ZFC3H1: variants seen among roughly 807,000 people sequenced by gnomAD.
The protein encoded by ZFC3H1 is zinc finger C3H1-type containing.
In ZFC3H1, 71 loss-of-function variants were observed where a neutral mutation model predicts 243.7. The observed-to-expected ratio is 0.29, with a 90% CI of 0.24 to 0.36. ZFC3H1 has a LOEUF of 0.36. ZFC3H1 is among the 10% of genes least tolerant of loss of function. ZFC3H1 has a pLI of 1.00. For synonymous variants in ZFC3H1, 838 were observed against 813.0 expected, an observed-to-expected ratio of 1.03 and a Z score of -0.52; for missense variants, 1,966 against 2,317.1, an observed-to-expected ratio of 0.85 and a Z score of 3.11.
At chr12:71,619,492 A>G in intron 26 of ZFC3H1, 83 bp from the exon 27 acceptor site, 1 of 1,312,610 alleles carries the variant, frequency 7.6e-7, no homozygotes, top group Non-Finnish European at 1.1e-6. Flanking sequence ...AAAGCCTTAA[A>G]AAAGTACTCA....
rs1180600065 is a variant in ZFC3H1, at chr12:71,663,632, A to G, written c.-22T>C. 2 of 1,601,022 alleles carry G rather than the reference A, an allele frequency of 1.2e-6. No individual in the cohort carries two copies. The highest frequency in any genetic ancestry group is 4.5e-5 in the East Asian group (2 of 44,842). On this transcript the variant is annotated 5_prime_UTR_variant, in exon 1 of 35. Coordinates refer to ENST00000378743, the MANE Select transcript of ZFC3H1 (RefSeq NM_144982.5). ...CCATCCGGGGAGCAGCGCCTTCCAC[A>G]CAACCTTAGCCCTCCGTCCGGGGAT...
At chr12:71,656,661 A>G (rs1881026343) in intron 2 of ZFC3H1, 7 of 587,222 alleles carry the variant, frequency 1.2e-5, no homozygotes, top group Non-Finnish European at 1.5e-5. Flanking sequence ...TATGTATAAC[A>G]TTCTATTATA....
At chr12:71,632,831 C>A in intron 14 of ZFC3H1, 55 bp downstream of exon 14, 1 of 1,592,676 alleles carries the variant, frequency 6.3e-7, no homozygotes, top group Admixed American at 1.9e-5. Context: ...ACCCTTAAAA[C>A]TATCATAAAA....
Position 71,632,056 on chromosome 12 carries a change from T to C in ZFC3H1, c.3276A>G (p.Gln1092=). ...GGCTGTCAGCTTTTGAATACAATTTTTGCAATTCACCAATTTTTAACCCTA... is the reference window on the plus strand; with the variant it reads ...GGCTGTCAGCTTTTGAATACAATTTCTGCAATTCACCAATTTTTAACCCTA... The part of the protein sequence containing the change: ...LFLGLKIGEL[Q]KLYSKADSLK... Residue 1092 remains glutamine (Q), a synonymous_variant, in exon 15 of 35, where the codon CAA becomes CAG. Transcript: ENST00000378743. The C allele has an allele frequency of 2.5e-6, 4 of 1,610,058 alleles. No individual in the cohort carries two copies. Among genetic ancestry groups the C allele is most frequent in the South Asian group, 1.1e-5 (1 of 90,466 alleles).
In ZFC3H1 at chr12:71,656,947, T is replaced by C. The variant is rs955052667; in HGVS notation, c.953A>G (p.Lys318Arg). The C allele has an allele frequency of 6.2e-7, 1 of 1,613,866 alleles. No homozygotes were observed. The highest frequency in any genetic ancestry group is 8.5e-7 in the Non-Finnish European group (1 of 1,179,884). Residue 318 changes from lysine (K) to arginine (R), a missense_variant, in exon 2 of 35, where the codon AAA becomes AGA. Physicochemically the swap from Lys to Arg is conservative, Grantham distance 26 (BLOSUM62 2). Coordinates refer to ENST00000378743, the MANE Select transcript of ZFC3H1 (RefSeq NM_144982.5). Reference sequence around the variant, plus strand: ...TGGTTTTGCTCCATCTTTAACTTTTTTCAAACGGTTCTTATCTCCTGGTAA... The same window carrying C: ...TGGTTTTGCTCCATCTTTAACTTTTCTCAAACGGTTCTTATCTCCTGGTAA... The part of the protein sequence containing the change: ...LTLPGDKNRL[K>R]KVKDGAKPLS...
chr12:71,621,025 T>C (rs780901188), intron 24 of ZFC3H1, among the ~76,000 whole-genome samples: 4 of 152,322 alleles, frequency 2.6e-5, no homozygotes, highest in Non-Finnish European at 5.9e-5. Context: ...CAGTGTTCTT[T>C]CCCTTCTTTT....
chr12:71,612,067 C>T (rs1592581065), intron 31 of ZFC3H1, among the ~76,000 whole-genome samples, 180 bp from the exon 32 acceptor site: 2 of 152,072 alleles, frequency 1.3e-5, no homozygotes, highest in African/African-American at 4.8e-5. Context: ...GTGCAAACTA[C>T]GAAGAGGTCA....
intron 2 of ZFC3H1, chr12:71,656,672 G>C (rs1881026614): frequency 1.7e-6 from 1 of 586,842 alleles, no homozygotes; most frequent in South Asian, 2.5e-5. Flanking sequence ...TTCTATTATA[G>C]AGGCCAGAAT....
At chr12:71,619,085 G>C (rs1280600) in intron 27 of ZFC3H1, among the ~76,000 whole-genome samples, 1 of 152,058 alleles carries the variant, frequency 6.6e-6, no homozygotes, top group East Asian at 1.9e-4. Context: ...TATGGTGTTA[G>C]TATATGCCTT....
intron 24 of ZFC3H1, among the ~76,000 whole-genome samples, chr12:71,622,713 T>G (rs1357592932): frequency 2.0e-5 from 3 of 152,198 alleles, no homozygotes; most frequent in Non-Finnish European, 2.9e-5. Flanking sequence ...TCCGCGCACC[T>G]TGGCCTCCTT....
At chr12:71,634,483 G>C (rs1219408775) in intron 11 of ZFC3H1, among the ~76,000 whole-genome samples, 179 bp from the exon 12 acceptor site, 1 of 152,132 alleles carries the variant, frequency 6.6e-6, no homozygotes, top group Non-Finnish European at 1.5e-5. Flanking sequence ...TTCTCTTTGA[G>C]TGTTTTCATC....
chr12:71,638,667 C>T (rs1189520977), intron 6 of ZFC3H1, 152 bp from the exon 7 acceptor site: 1 of 607,470 alleles, frequency 1.6e-6, no homozygotes, highest in Non-Finnish European at 2.8e-6. Flanking sequence ...CTCATGAGTC[C>T]ACCTCCAGCC....
At chr12:71,642,013 C>T (rs1465849378) in intron 6 of ZFC3H1, among the ~76,000 whole-genome samples, 4 of 152,096 alleles carry the variant, frequency 2.6e-5, no homozygotes, top group Admixed American at 1.3e-4. Flanking sequence ...CCACACCCAG[C>T]GAATTTTTGT....
intron 22 of ZFC3H1, among the ~76,000 whole-genome samples, 186 bp downstream of exon 22, chr12:71,626,074 G>C (rs1196115502): frequency 6.6e-6 from 1 of 151,958 alleles, no homozygotes; most frequent in African/African-American, 2.4e-5. Context: ...TTTTCTTCTT[G>C]CTTAGTCTAA....
intron 2 of ZFC3H1, among the ~76,000 whole-genome samples, chr12:71,649,525 C>A (rs1163551528): frequency 1.3e-5 from 2 of 151,950 alleles, no homozygotes; most frequent in African/African-American, 4.8e-5. Context: ...TTTTTATATG[C>A]CACGGACAAA....
intron 20 of ZFC3H1, 150 bp from the exon 21 acceptor site, chr12:71,628,084 G>T: frequency 1.3e-6 from 1 of 778,728 alleles, no homozygotes; most frequent in Non-Finnish European, 2.0e-6. Context: ...GTAGAGCTAT[G>T]ACATAATTTA....
In ZFC3H1 at chr12:71,637,234, G is replaced by A. The variant is rs559435847; in HGVS notation, c.1726-175C>T. On this transcript the variant is annotated intron_variant, in intron 7 of 34. Coordinates refer to ENST00000378743, the MANE Select transcript of ZFC3H1 (RefSeq NM_144982.5). ...AAACCAGAAATCAATAGCCAACCAC[G>A]AAAAAGTGTTATTTTTACAATTTTA... 1.3e-4 allele frequency among the ~76,000 whole-genome samples: 20 copies of A among 151,784 alleles called. No individual in the cohort carries two copies. In the South Asian group the frequency reaches 2.3e-3, roughly 17 times the overall value.
In ZFC3H1 at chr12:71,623,533, A is replaced by G. The variant is rs768738586; in HGVS notation, c.4571T>C (p.Leu1524Ser). The G allele has an allele frequency of 6.2e-7, 1 of 1,613,800 alleles. No individual in the cohort carries two copies. The highest frequency in any genetic ancestry group is 1.1e-5 in the South Asian group (1 of 91,060). Residue 1524 changes from leucine to serine, a missense_variant, in exon 24 of 35, where the codon TTG becomes TCG. Around this residue, in one of 4 missense-constraint regions of ZFC3H1, gnomAD observed 1,383 missense variants for 1,723.7 expected, o/e 0.80. Coordinates refer to ENST00000378743, the MANE Select transcript of ZFC3H1 (RefSeq NM_144982.5). ...AAGATGTATGTAGGCCAACCATGCCAAACATCGATCACTGGTTTTAAGGTA... is the reference window on the plus strand; with the variant it reads ...AAGATGTATGTAGGCCAACCATGCCGAACATCGATCACTGGTTTTAAGGTA... ...AEYLKTSDRC[L>S]AWLAYIHLIE...
At chr12:71,630,234 T>C (rs1194788961) in intron 18 of ZFC3H1, among the ~76,000 whole-genome samples, 2 of 152,198 alleles carry the variant, frequency 1.3e-5, no homozygotes, top group African/African-American at 2.4e-5. Flanking sequence ...TAGGCTCCTA[T>C]GTTAAAATCA....
Sources: gnomAD v4.1 joint callset for allele counts (sites outside exome capture counted in the v4.1 genomes callset) on GRCh38, gnomAD v4.1.1 for gene constraint, gnomAD v4.1.1 regional missense constraint, MANE v1.5 for transcripts, NCBI Gene and HGNC (gene_info 2026-07-23, HGNC 2026-07-21) for gene names.